PCDH15: variants seen among roughly 807,000 people sequenced by gnomAD.
PCDH15 encodes protocadherin related 15, also known as protocadherin-15.
Under a neutral mutation model 178.5 loss-of-function variants are expected in PCDH15, and 129 were observed. The ratio of observed to expected loss-of-function variants is 0.72; its 90% CI spans 0.63 to 0.84. The LOEUF is 0.84. Among genes scored for constraint, PCDH15 ranks in the 40% least tolerant of loss-of-function variants. PCDH15 has a pLI of 0.00. For synonymous variants in PCDH15, 800 were observed against 732.0 expected, an observed-to-expected ratio of 1.09 and a Z score of -1.50; for missense variants, 2,230 against 2,099.9, an observed-to-expected ratio of 1.06 and a Z score of -1.21.
chr10:54,713,556 C>T (rs893347015), intron 1 of PCDH15, among the ~76,000 whole-genome samples: 2 of 151,978 alleles, frequency 1.3e-5, no homozygotes, highest in Non-Finnish European at 2.9e-5. Flanking sequence ...GTCAGTATTC[C>T]ACAGATCATG....
At chr10:54,091,678 A>C (rs1418778114) in intron 15 of PCDH15, among the ~76,000 whole-genome samples, 2 of 152,314 alleles carry the variant, frequency 1.3e-5, no homozygotes, top group East Asian at 3.9e-4. Context: ...AAGATTATTT[A>C]ATCTGTCTCT....
intron 15 of PCDH15, among the ~76,000 whole-genome samples, chr10:54,112,101 G>A (rs967848871): frequency 2.6e-5 from 4 of 151,834 alleles, no homozygotes; most frequent in African/African-American, 9.7e-5. Flanking sequence ...CGAGATCATG[G>A]CTACTGCACT....
chr10:53,995,760 C>T lies in PCDH15; in HGVS notation c.2757G>A (p.Met919Ile). The change falls in exon 21 of 38, where the codon ATG becomes ATA. Residue 919 changes from methionine to isoleucine, a missense_variant. Met to Ile is a conservative substitution (Grantham distance 10). Coordinates refer to ENST00000644397, the MANE Select transcript of PCDH15 (RefSeq NM_001384140.1). ...TACTAAAGACAGGAGGATAATCATTCATATCCTGTAAAACACAATTAGGAG... is the reference window on the plus strand; with the variant it reads ...TACTAAAGACAGGAGGATAATCATTTATATCCTGTAAAACACAATTAGGAG... ...IATVTVIVKD[M>I]NDYPPVFSKR... 1.2e-6 allele frequency: 2 copies of T among 1,613,186 alleles called. No homozygotes were observed. The highest frequency in any genetic ancestry group is 1.7e-6 in the Non-Finnish European group (2 of 1,179,250).
intron 2 of PCDH15, among the ~76,000 whole-genome samples, chr10:55,524,219 G>A (rs192931056): frequency 1.3e-3 from 200 of 151,536 alleles, no homozygotes; most frequent in Non-Finnish European, 2.1e-3. Flanking sequence ...CGGAAATATC[G>A]GTTTACTTTG....
chr10:54,742,755 T>C (rs1003534883), intron 1 of PCDH15, among the ~76,000 whole-genome samples: 1 of 152,006 alleles, frequency 6.6e-6, no homozygotes, highest in Non-Finnish European at 1.5e-5. Flanking sequence ...ACTTTCCTAA[T>C]GTCATGGTAC....
In PCDH15 at chr10:55,137,834, G is replaced by T. The variant is rs536783045; in HGVS notation, c.-80+28742C>A. ...CTACAGGAGTTAGGAGAATAAAAGA[G>T]CAGCCTTTAGTCCTGGTGGAAATTT... On this transcript the variant is annotated intron_variant, in intron 2 of 5. Coordinates refer to the PCDH15 transcript ENST00000458638. Among the ~76,000 whole-genome samples the T allele has an allele frequency of 4.6e-5, 7 of 152,184 alleles. No homozygotes were observed. In the South Asian group the frequency reaches 1.4e-3, roughly 32 times the overall value.
chr10:55,242,502 G>A (rs536754399), intron 1 of PCDH15, among the ~76,000 whole-genome samples: 5 of 152,180 alleles, frequency 3.3e-5, no homozygotes, highest in African/African-American at 1.2e-4. Context: ...TAAATATATA[G>A]TTTTTGTGTT....
chr10:54,647,919 T>C (rs2094166925), intron 2 of PCDH15, among the ~76,000 whole-genome samples: 1 of 151,944 alleles, frequency 6.6e-6, no homozygotes. Context: ...CCCTCTTGCT[T>C]AAAAACAAAC....
chr10:55,603,196 T>C (rs1843127749), intron 2 of PCDH15, among the ~76,000 whole-genome samples: 1 of 151,898 alleles, frequency 6.6e-6, no homozygotes, highest in Admixed American at 6.6e-5. Flanking sequence ...GAAAAAAGAA[T>C]AAAAAGAAAC....
At chr10:55,626,232 A>G (rs1223251622) in intron 2 of PCDH15, among the ~76,000 whole-genome samples, 1 of 152,200 alleles carries the variant, frequency 6.6e-6, no homozygotes, top group East Asian at 1.9e-4. Flanking sequence ...TTCAAGTTCC[A>G]GATTCCACTA....
intron 3 of PCDH15, among the ~76,000 whole-genome samples, chr10:54,387,859 T>C (rs988923067): frequency 1.3e-5 from 2 of 152,214 alleles, no homozygotes; most frequent in African/African-American, 4.8e-5. Context: ...TGAGTTTGTG[T>C]GGCAAACAGC....
chr10:54,785,234 A>ATT, intron 1 of PCDH15, among the ~76,000 whole-genome samples: 1 of 151,728 alleles, frequency 6.6e-6, no homozygotes, highest in Non-Finnish European at 1.5e-5. Flanking sequence ...AAATAACTTT[A>ATT]TTTTTTTCTT....
chr10:54,470,949 C>T (rs2077877713), intron 3 of PCDH15, among the ~76,000 whole-genome samples: 1 of 151,972 alleles, frequency 6.6e-6, no homozygotes, highest in African/African-American at 2.4e-5. Flanking sequence ...GGTACAAAGA[C>T]CCTTGAAAAA....
At chr10:54,011,638 T>G (rs1161069392) in intron 20 of PCDH15, among the ~76,000 whole-genome samples, 1 of 152,178 alleles carries the variant, frequency 6.6e-6, no homozygotes, top group Non-Finnish European at 1.5e-5. Context: ...GCCATTCCAG[T>G]TAAGTGCCAT....
intron 2 of PCDH15, among the ~76,000 whole-genome samples, chr10:55,576,177 T>C: frequency 6.6e-6 from 1 of 152,190 alleles, no homozygotes; most frequent in East Asian, 1.9e-4. Flanking sequence ...TGGAAGTCGG[T>C]GATAACATAG....
intron 6 of PCDH15, among the ~76,000 whole-genome samples, chr10:54,333,095 A>T (rs535025239): frequency 6.6e-6 from 1 of 152,182 alleles, no homozygotes; most frequent in South Asian, 2.1e-4. Context: ...GGCATGTGCC[A>T]CCACATCTGG....
intron 3 of PCDH15, among the ~76,000 whole-genome samples, chr10:54,875,076 G>A (rs375182555): frequency 5.1e-4 from 78 of 152,258 alleles, no homozygotes; most frequent in African/African-American, 1.8e-3. Flanking sequence ...TGGCAACCCC[G>A]TGTGAGCAAC....
intron 2 of PCDH15, among the ~76,000 whole-genome samples, chr10:54,976,411 C>T (rs1409134712): frequency 6.6e-6 from 1 of 152,038 alleles, no homozygotes; most frequent in Non-Finnish European, 1.5e-5. Context: ...AAATCAGTCT[C>T]CCCAAAGGCT....
chr10:54,667,773 G>A (rs946177856), intron 1 of PCDH15, among the ~76,000 whole-genome samples: 3 of 152,030 alleles, frequency 2.0e-5, no homozygotes, highest in African/African-American at 7.2e-5. Context: ...AAAAAGAATT[G>A]TAGGTGACCT....
Sources: allele counts gnomAD v4.1 joint callset (sites outside exome capture counted in the v4.1 genomes callset), GRCh38; gene constraint gnomAD v4.1.1; transcripts MANE v1.5; gene names NCBI Gene and HGNC (gene_info 2026-07-23, HGNC 2026-07-21).